Variants in PDS5A observed in about 807,000 individuals in gnomAD.
PDS5A encodes the protein sister chromatid cohesion protein PDS5 homolog A.
Under a neutral mutation model 167.1 loss-of-function variants are expected in PDS5A, and 42 were observed. The observed-to-expected ratio is 0.25, with a 90% CI of 0.20 to 0.33. The LOEUF is 0.33. Among genes scored for constraint, PDS5A ranks in the 10% least tolerant of loss-of-function variants. The probability of loss-of-function intolerance (pLI) is 1.00; values close to 1 mark genes in which losing one functional copy is unlikely to be tolerated. For missense variants in PDS5A, 1,033 were observed against 1,605.9 expected (o/e 0.64, Z 6.10); for synonymous variants, 553 against 554.6 (o/e 1.00, Z 0.04).
intron 2 of PDS5A, among the ~76,000 whole-genome samples, chr4:39,968,112 G>A (rs1351872165): frequency 6.6e-6 from 1 of 151,964 alleles, no homozygotes; most frequent in Non-Finnish European, 1.5e-5. Flanking sequence ...ATTTATAAGT[G>A]TATTTTATTT....
intron 2 of PDS5A, chr4:39,974,243 C>A: frequency 3.6e-6 from 2 of 558,392 alleles, no homozygotes; most frequent in Admixed American, 3.8e-5. Context: ...CAGGTGCTAT[C>A]CCCAAGCTGC....
intron 2 of PDS5A, among the ~76,000 whole-genome samples, chr4:39,958,523 A>G (rs1286445735): frequency 1.3e-5 from 2 of 151,110 alleles, no homozygotes; most frequent in African/African-American, 4.9e-5. Flanking sequence ...AAAAAAAAAA[A>G]GGTACGGGTA....
intron 22 of PDS5A, among the ~76,000 whole-genome samples, chr4:39,868,076 G>C (rs886659990): frequency 5.9e-5 from 9 of 152,166 alleles, no homozygotes; most frequent in African/African-American, 1.9e-4. Context: ...GCAACACAAA[G>C]TGAAAGATTA....
At chr4:39,965,863 G>C (rs1245236372) in intron 2 of PDS5A, among the ~76,000 whole-genome samples, 1 of 152,176 alleles carries the variant, frequency 6.6e-6, no homozygotes, top group Non-Finnish European at 1.5e-5. Context: ...GAATGGTGGT[G>C]ATGGTTTCAC....
intron 2 of PDS5A, chr4:39,973,196 GTAA>G: frequency 2.5e-6 from 3 of 1,220,142 alleles, no homozygotes; most frequent in Non-Finnish European, 3.7e-6. Context: ...TGGTGGGCTT[GTAA>G]TATAGCTAGC....
intron 22 of PDS5A, 24 bp downstream of exon 22, chr4:39,869,369 AT>A: frequency 7.3e-7 from 1 of 1,366,218 alleles, no homozygotes; most frequent in Non-Finnish European, 1.0e-6. Flanking sequence ...AAACATGAAG[AT>A]TATCAAGGCC....
At chr4:39,910,997 G>C (rs1033527731) in intron 9 of PDS5A, among the ~76,000 whole-genome samples, 3 of 152,120 alleles carry the variant, frequency 2.0e-5, no homozygotes, top group Non-Finnish European at 2.9e-5. Flanking sequence ...AGCCGGGCGT[G>C]GAGGCATTCC....
chr4:39,954,331 GCCTTGGTGACAGAGCGAGAC>G (rs1366959130), intron 2 of PDS5A, among the ~76,000 whole-genome samples: 1 of 152,072 alleles, frequency 6.6e-6, no homozygotes, highest in East Asian at 1.9e-4. Flanking sequence ...CTGCACCTCA[GCCTTGGTGACAGAGCGAGAC>G]CCTGTCTCTT....
intron 19 of PDS5A, 101 bp from the exon 20 acceptor site, chr4:39,874,513 G>T: frequency 3.4e-6 from 3 of 892,910 alleles, no homozygotes; most frequent in Non-Finnish European, 5.2e-6. Flanking sequence ...GATGCTAGTA[G>T]AGAAGGCTCT....
At chr4:39,856,830 CTAAA>C (rs1055975413) in intron 26 of PDS5A, among the ~76,000 whole-genome samples, 6 of 151,254 alleles carry the variant, frequency 4.0e-5, no homozygotes, top group South Asian at 2.1e-4. Context: ...AAATACATAA[CTAAA>C]TAAATAAATA....
intron 8 of PDS5A, among the ~76,000 whole-genome samples, chr4:39,915,041 AT>A (rs5857705): frequency 0.37 from 55,655 of 149,146 alleles, 11,319 homozygotes; most frequent in East Asian, 0.66. Flanking sequence ...GACAAAAATG[AT>A]TTTTTTTTTT....
chr4:39,963,623 A>G (rs1415756403), intron 2 of PDS5A, among the ~76,000 whole-genome samples: 1 of 152,142 alleles, frequency 6.6e-6, no homozygotes, highest in Non-Finnish European at 1.5e-5. Flanking sequence ...AGGTGGGTAG[A>G]ATGCTTGAGC....
rs79106997 is a variant in PDS5A at position 39,914,462 on chromosome 4, T to C, written c.877-736A>G. On this transcript the variant is annotated intron_variant, in intron 8 of 32. Coordinates refer to ENST00000303538, the MANE Select transcript of PDS5A (RefSeq NM_001100399.2). ...GGCATGAACCACCGCACCTGGCTGA[T>C]ACACAAAGTTTTAATGAAGGATCCC... Among the ~76,000 whole-genome samples the C allele has an allele frequency of 8.7e-3, 1,292 of 147,894 alleles. 6 individuals carry two copies. Among genetic ancestry groups the C allele is most frequent in the South Asian group, 0.036 (168 of 4,718 alleles).
At chr4:39,885,581 C>T (rs1254116539) in intron 17 of PDS5A, among the ~76,000 whole-genome samples, 1 of 151,648 alleles carries the variant, frequency 6.6e-6, no homozygotes, top group African/African-American at 2.4e-5. Context: ...AGAGTGAGAT[C>T]GTGTATCCAA....
intron 5 of PDS5A, among the ~76,000 whole-genome samples, chr4:39,924,446 A>G (rs1725278353): frequency 6.6e-6 from 1 of 152,234 alleles, no homozygotes; most frequent in African/African-American, 2.4e-5. Flanking sequence ...CTATCTTTCT[A>G]CAAGCTTCTA....
rs183801703 is a variant in PDS5A at position 39,919,607 on chromosome 4, T to A, written c.735+712A>T. Among the ~76,000 whole-genome samples the A allele has an allele frequency of 2.2e-3, 329 of 152,268 alleles. 2 individuals carry two copies. The highest frequency in any genetic ancestry group is 2.9e-3 in the Non-Finnish European group (199 of 68,016). ...TTGCAATGAGCCGAGAATGCACCAC[T>A]GCACTCCAGCTTCAGAGACAGAGTG... On this transcript the variant is annotated intron_variant, in intron 7 of 32. Coordinates refer to ENST00000303538, the MANE Select transcript of PDS5A (RefSeq NM_001100399.2).
chr4:39,938,172 C>T (rs1726826528), intron 2 of PDS5A, among the ~76,000 whole-genome samples: 1 of 152,210 alleles, frequency 6.6e-6, no homozygotes, highest in Non-Finnish European at 1.5e-5. Flanking sequence ...GACCACTTGG[C>T]AGCTCTGGAA....
chr4:39,888,388 G>T (rs897006273), intron 17 of PDS5A, among the ~76,000 whole-genome samples: 21 of 152,114 alleles, frequency 1.4e-4, no homozygotes, highest in African/African-American at 5.1e-4. Context: ...CTGTATGGAG[G>T]TTCCTCAAAA....
At chr4:39,882,700 T>C (rs2109597641) in intron 17 of PDS5A, among the ~76,000 whole-genome samples, 1 of 152,358 alleles carries the variant, frequency 6.6e-6, no homozygotes, top group Middle Eastern at 3.4e-3. Context: ...ATCATTGTAA[T>C]GTTGGTAATC....
Sources: allele counts gnomAD v4.1 joint callset (sites outside exome capture counted in the v4.1 genomes callset), GRCh38; gene constraint gnomAD v4.1.1; transcripts MANE v1.5; gene names NCBI Gene and HGNC (gene_info 2026-07-23, HGNC 2026-07-21).